The following TGFBR1 variants were observed in gnomAD, a reference collection of about 807,000 sequenced individuals.
TGFBR1 encodes the protein transforming growth factor beta receptor 1.
TGFBR1 carries 20 observed loss-of-function variants against 55.1 expected under a neutral mutation model. The observed-to-expected ratio is 0.36, with a 90% CI of 0.26 to 0.53. The LOEUF (loss-of-function observed/expected upper bound fraction) is 0.53. TGFBR1 is among the 20% of genes least tolerant of loss of function. The probability of loss-of-function intolerance (pLI) is 0.91; values close to 1 mark genes in which losing one functional copy is unlikely to be tolerated. For missense variants in TGFBR1, 385 were observed against 617.6 expected, an observed-to-expected ratio of 0.62 and a Z score of 3.99; for synonymous variants, 220 against 214.8, an observed-to-expected ratio of 1.02 and a Z score of -0.21.
chr9:99,139,915 A>G (rs1306825974), intron 4 of TGFBR1, among the ~76,000 whole-genome samples: 1 of 152,136 alleles, frequency 6.6e-6, no homozygotes, highest in Non-Finnish European at 1.5e-5. Flanking sequence ...TGCTGATTGC[A>G]TTTCCATAGT....
intron 6 of TGFBR1, among the ~76,000 whole-genome samples, chr9:99,145,672 T>C (rs1379913556): frequency 6.6e-6 from 1 of 152,144 alleles, no homozygotes; most frequent in Non-Finnish European, 1.5e-5. Context: ...GGTTAAATAA[T>C]ATGGCCAGCT....
intron 4 of TGFBR1, among the ~76,000 whole-genome samples, chr9:99,141,676 G>A (rs1286680142): frequency 6.6e-6 from 1 of 152,120 alleles, no homozygotes; most frequent in Non-Finnish European, 1.5e-5. Context: ...TCCTAATGTT[G>A]TAATGCTTTT....
At chr9:99,121,907 C>G (rs968972209) in intron 1 of TGFBR1, among the ~76,000 whole-genome samples, 1 of 152,056 alleles carries the variant, frequency 6.6e-6, no homozygotes, top group Non-Finnish European at 1.5e-5. Context: ...AGTTAAAATA[C>G]AAGCTTGGAG....
rs1454351639 is a variant in TGFBR1, at chr9:99,140,020, T to C, written c.805+1931T>C. Among the ~76,000 whole-genome samples, 4 of 152,372 alleles carry C rather than the reference T, an allele frequency of 2.6e-5. No individual in the cohort carries two copies. In the South Asian group the frequency reaches 6.2e-4, roughly 24 times the overall value. ...GTTTTATTGGTTTTCTCAAAATACA[T>C]ACTAAGGATATTATATACATCCTAT... On this transcript the variant is annotated intron_variant, in intron 4 of 8. Transcript: ENST00000374994.
chr9:99,126,669 G>A (rs892813989), intron 1 of TGFBR1, among the ~76,000 whole-genome samples: 1 of 152,112 alleles, frequency 6.6e-6, no homozygotes, highest in Non-Finnish European at 1.5e-5. Flanking sequence ...AGTTTTATGG[G>A]ATTCATGTAC....
chr9:99,106,101 G>C (rs781014953), intron 1 of TGFBR1, among the ~76,000 whole-genome samples: 3 of 152,272 alleles, frequency 2.0e-5, no homozygotes, highest in Non-Finnish European at 2.9e-5. Flanking sequence ...TCATTCTGCG[G>C]GTTTTGGAAA....
Position 99,128,854 on chromosome 9 carries a change from G to A in TGFBR1, c.98-1G>A. 1 of 1,613,564 alleles carries A rather than the reference G, an allele frequency of 6.2e-7. No homozygotes were observed. Among genetic ancestry groups the A allele is most frequent in the Non-Finnish European group, 8.5e-7 (1 of 1,179,856 alleles). On this transcript the variant is annotated splice_acceptor_variant, in intron 1 of 8. Coordinates refer to ENST00000374994, the MANE Select transcript of TGFBR1 (RefSeq NM_004612.4). LOFTEE classifies it high-confidence loss of function. ...TTCTAAGAATCTTTCTCTTTTTCCA[G>A]CGTTACAGTGTTTCTGCCACCTCTG...
intron 4 of TGFBR1, among the ~76,000 whole-genome samples, chr9:99,141,310 A>T (rs1245660214): frequency 6.6e-6 from 1 of 152,220 alleles, no homozygotes; most frequent in African/African-American, 2.4e-5. Flanking sequence ...GTCCTTTTAA[A>T]TGTACCCAGA....
At chr9:99,133,392 C>T (rs1827310782) in intron 3 of TGFBR1, among the ~76,000 whole-genome samples, 1 of 152,202 alleles carries the variant, frequency 6.6e-6, no homozygotes, top group African/African-American at 2.4e-5. Context: ...AGTAGATGAG[C>T]TAATTGTCAG....
chr9:99,133,297 TA>T (rs1369521528), intron 3 of TGFBR1, among the ~76,000 whole-genome samples: 1 of 152,242 alleles, frequency 6.6e-6, no homozygotes, highest in African/African-American at 2.4e-5. Context: ...GAAAAATGTC[TA>T]ACCACCTTCT....
At chr9:99,130,625 A>G (rs1056949756) in intron 2 of TGFBR1, among the ~76,000 whole-genome samples, 2 of 152,226 alleles carry the variant, frequency 1.3e-5, no homozygotes, top group East Asian at 1.9e-4. Flanking sequence ...CATGTTTCTA[A>G]TGAACATATA....
intron 1 of TGFBR1, among the ~76,000 whole-genome samples, chr9:99,122,316 T>C (rs552784706): frequency 6.6e-6 from 1 of 152,266 alleles, no homozygotes; most frequent in East Asian, 1.9e-4. Context: ...GATAGAAATA[T>C]CTGTTCCATA....
chr9:99,142,672 C>T lies in TGFBR1; in HGVS notation c.942C>T (p.Ala314=). 1.2e-6 allele frequency: 2 copies of T among 1,614,010 alleles called. No individual in the cohort carries two copies. Among genetic ancestry groups the T allele is most frequent in the Non-Finnish European group, 1.7e-6 (2 of 1,179,940 alleles). Residue 314 remains alanine (A), a synonymous_variant, in exon 5 of 9, where the codon GCC becomes GCT. Coordinates refer to ENST00000374994, the MANE Select transcript of TGFBR1 (RefSeq NM_004612.4). ...KLALSTASGL[A]HLHMEIVGTQ... is the part of the protein sequence containing the mutation. ...CTCTGTCCACGGCGAGCGGTCTTGC[C>T]CATCTTCACATGGAGATTGTTGGTA...
At chr9:99,121,718 A>C (rs938875924) in intron 1 of TGFBR1, among the ~76,000 whole-genome samples, 1 of 152,148 alleles carries the variant, frequency 6.6e-6, no homozygotes, top group African/African-American at 2.4e-5. Context: ...CTGTTGGTAC[A>C]TGTTTGTAAT....
chr9:99,105,600 C>T (rs891535679), intron 1 of TGFBR1, among the ~76,000 whole-genome samples: 1 of 151,546 alleles, frequency 6.6e-6, no homozygotes, highest in Non-Finnish European at 1.5e-5. Context: ...CGTCCGAGGT[C>T]CGGGGCTGCC....
intron 1 of TGFBR1, among the ~76,000 whole-genome samples, chr9:99,125,833 C>T (rs1173586188): frequency 6.6e-6 from 1 of 151,824 alleles, no homozygotes; most frequent in African/African-American, 2.4e-5. Flanking sequence ...TTTTTTTCTC[C>T]CAGCATATTT....
rs199659996 is a variant in TGFBR1, at chr9:99,151,404, T to G, written c.*2099T>G. 1.9e-5 allele frequency: 4 copies of G among 216,102 alleles called. No individual in the cohort carries two copies. In the East Asian group the frequency reaches 2.1e-4, roughly 12 times the overall value. 13.4% of individuals were successfully genotyped at this position (216,102 alleles called of 1,614,324 possible). A position where few individuals can be genotyped will look rare whatever the true frequency, so the allele number is the denominator to read the frequency against. ...TGTGGGGGTTTTTTTTTTGTTTTTT[T>G]TTTTTTGTTGTTGTTTTTGGGCCAT... On this transcript the variant is annotated 3_prime_UTR_variant, in exon 9 of 9. Transcript: ENST00000374994.
intron 1 of TGFBR1, among the ~76,000 whole-genome samples, chr9:99,109,102 C>T (rs1048577105): frequency 2.0e-5 from 3 of 151,898 alleles, no homozygotes; most frequent in Admixed American, 6.6e-5. Context: ...TTGGCATCCA[C>T]GAAGGGATGA....
intron 3 of TGFBR1, among the ~76,000 whole-genome samples, chr9:99,134,832 A>ATATATATATATGTG (rs1827379737): frequency 1.8e-5 from 2 of 114,020 alleles, no homozygotes; most frequent in African/African-American, 6.2e-5. Flanking sequence ...ATATATATAT[A>ATATATATATATGTG]TATATATATA....
Sources: gnomAD v4.1 joint callset for allele counts (sites outside exome capture counted in the v4.1 genomes callset) on GRCh38, gnomAD v4.1.1 for gene constraint, MANE v1.5 for transcripts, NCBI Gene and HGNC (gene_info 2026-07-23, HGNC 2026-07-21) for gene names.